Variants in ZMYM2 observed in about 807,000 individuals in gnomAD.
The protein encoded by ZMYM2 is zinc finger MYM-type protein 2.
Under a neutral mutation model 162.8 loss-of-function variants are expected in ZMYM2, and 56 were observed. That is an observed-to-expected ratio of 0.34 (90% CI 0.28 to 0.43). The LOEUF (loss-of-function observed/expected upper bound fraction) is 0.43, where lower values mean the gene tolerates loss of function less well. Among genes scored for constraint, ZMYM2 ranks in the 20% least tolerant of loss-of-function variants. The pLI, the probability that ZMYM2 is intolerant of heterozygous loss-of-function variation, is 1.00. For missense variants in ZMYM2, 1,275 were observed against 1,621.8 expected (o/e 0.79, Z 3.67); for synonymous variants, 510 against 541.6 (o/e 0.94, Z 0.81).
At chr13:20,021,313 A>G (rs1594406197) in intron 7 of ZMYM2, among the ~76,000 whole-genome samples, 1 of 139,894 alleles carries the variant, frequency 7.1e-6, no homozygotes, top group East Asian at 2.1e-4. Flanking sequence ...ATCTGTTTCT[A>G]TAGTTTGATT....
chr13:20,049,056 T>C (rs1461656739), intron 12 of ZMYM2, among the ~76,000 whole-genome samples: 1 of 152,016 alleles, frequency 6.6e-6, no homozygotes, highest in East Asian at 1.9e-4. Context: ...ATATTTTAGC[T>C]GAATTCCAAA....
At chr13:20,081,964 A>G (rs1957941060) in intron 21 of ZMYM2, 52 bp from the exon 22 acceptor site, 5 of 1,172,468 alleles carry the variant, frequency 4.3e-6, no homozygotes, top group African/African-American at 1.6e-5. Flanking sequence ...GTTTACTATA[A>G]TTAGCTGATT....
At chr13:19,916,425 C>T in the ZMYM2 span, among the ~76,000 whole-genome samples, 4 of 152,052 alleles carry the variant, frequency 2.6e-5, no homozygotes, top group Admixed American at 6.6e-5. Flanking sequence ...ATGTTTATTG[C>T]GGCATTATTC....
the ZMYM2 span, among the ~76,000 whole-genome samples, chr13:19,921,751 A>T: frequency 6.6e-6 from 1 of 152,142 alleles, no homozygotes; most frequent in Non-Finnish European, 1.5e-5. Context: ...CAAATTTTGT[A>T]TGTGGTGTGA....
chr13:19,892,852 C>T, the ZMYM2 span, among the ~76,000 whole-genome samples: 3 of 149,144 alleles, frequency 2.0e-5, no homozygotes, highest in Non-Finnish European at 3.0e-5. Context: ...GTAGCTGGGA[C>T]TACAGGCACG....
chr13:19,930,095 AAAAT>A, the ZMYM2 span, among the ~76,000 whole-genome samples: 1 of 152,126 alleles, frequency 6.6e-6, no homozygotes, highest in African/African-American at 2.4e-5. Flanking sequence ...TCATCTCTAC[AAAAT>A]AAATAAACAG....
In ZMYM2 at chr13:20,013,500, G is replaced by A. The variant is rs117221272; in HGVS notation, c.1513-6047G>A. ...TCAAATAGATGTGGTGAAAGTGGGCGTCCTTGTTGCTGATCTTAGAGGAAA... is the reference window on the plus strand; with the variant it reads ...TCAAATAGATGTGGTGAAAGTGGGCATCCTTGTTGCTGATCTTAGAGGAAA... On this transcript the variant is annotated intron_variant, in intron 6 of 24. Transcript: ENST00000610343. Among the ~76,000 whole-genome samples, 72 of 152,298 alleles carry A rather than the reference G, an allele frequency of 4.7e-4. 1 individual carries two copies. In the East Asian group the frequency reaches 0.011, roughly 24 times the overall value.
chr13:20,048,321 G>T, intron 12 of ZMYM2, among the ~76,000 whole-genome samples: 1 of 151,386 alleles, frequency 6.6e-6, no homozygotes, highest in African/African-American at 2.4e-5. Flanking sequence ...ATTATTTTTA[G>T]GAAAATAATA....
chr13:19,976,136 A>G (rs1187823203), intron 2 of ZMYM2, among the ~76,000 whole-genome samples: 1 of 152,122 alleles, frequency 6.6e-6, no homozygotes, highest in Non-Finnish European at 1.5e-5. Flanking sequence ...AATCGAGACC[A>G]TCCTGCCCAA....
chr13:20,045,142 G>A (rs1042353469), intron 12 of ZMYM2, among the ~76,000 whole-genome samples: 1 of 150,416 alleles, frequency 6.6e-6, no homozygotes, highest in Non-Finnish European at 1.5e-5. Context: ...TGAAATAGTC[G>A]AATATGGAGA....
the ZMYM2 span, among the ~76,000 whole-genome samples, chr13:19,906,538 A>ATT: frequency 2.7e-4 from 37 of 138,270 alleles, no homozygotes; most frequent in South Asian, 2.0e-3. Context: ...ATATATATAT[A>ATT]TTTTTTTTGT....
chr13:20,007,661 C>A (rs1217597148), intron 6 of ZMYM2, among the ~76,000 whole-genome samples: 1 of 146,178 alleles, frequency 6.8e-6, no homozygotes, highest in African/African-American at 2.5e-5. Flanking sequence ...CGCTCTGTTG[C>A]CCAGGCTGGA....
At chr13:20,059,740 C>T (rs571116378) in intron 16 of ZMYM2, among the ~76,000 whole-genome samples, 178 bp downstream of exon 16, 2 of 151,888 alleles carry the variant, frequency 1.3e-5, no homozygotes, top group African/African-American at 4.8e-5. Flanking sequence ...GTTCCACATC[C>T]GTGACCAAAC....
At chr13:19,871,248 A>G in the ZMYM2 span, among the ~76,000 whole-genome samples, 1 of 152,196 alleles carries the variant, frequency 6.6e-6, no homozygotes, top group South Asian at 2.1e-4. Context: ...GAAAGTAAAG[A>G]GATAAAAAAT....
chr13:20,036,434 TTCTA>T (rs1488966024), intron 11 of ZMYM2, among the ~76,000 whole-genome samples: 1 of 152,186 alleles, frequency 6.6e-6, no homozygotes, highest in Non-Finnish European at 1.5e-5. Context: ...ATACTTAAGA[TTCTA>T]TCTGTCTATT....
At chr13:19,921,007 G>A in the ZMYM2 span, among the ~76,000 whole-genome samples, 1 of 151,706 alleles carries the variant, frequency 6.6e-6, no homozygotes, top group African/African-American at 2.4e-5. Flanking sequence ...TTGACCTCAT[G>A]TTCCGCCCAC....
chr13:20,050,421 A>T (rs1285999899), intron 12 of ZMYM2, among the ~76,000 whole-genome samples: 1 of 152,072 alleles, frequency 6.6e-6, no homozygotes, highest in Non-Finnish European at 1.5e-5. Context: ...AGGAAAAGCC[A>T]TGGCCACAGT....
the ZMYM2 span, among the ~76,000 whole-genome samples, chr13:19,906,304 A>G: frequency 2.4e-5 from 3 of 122,950 alleles, no homozygotes; most frequent in Admixed American, 1.6e-4. Context: ...ATATATATAT[A>G]TATATATATA....
chr13:19,896,879 C>A, the ZMYM2 span, among the ~76,000 whole-genome samples: 1 of 150,340 alleles, frequency 6.7e-6, no homozygotes, highest in African/African-American at 2.5e-5. Flanking sequence ...TCGAGACCAG[C>A]CTGACCAACA....
Sources: allele counts gnomAD v4.1 joint callset (sites outside exome capture counted in the v4.1 genomes callset), GRCh38; gene constraint gnomAD v4.1.1; transcripts MANE v1.5; gene names NCBI Gene and HGNC (gene_info 2026-07-23, HGNC 2026-07-21).